Variants in IFT25 observed in about 807,000 individuals in gnomAD.
The protein encoded by IFT25 is intraflagellar transport protein 25 homolog.
At chr1:53,928,501 T>C in the IFT25 span, 1 of 1,285,012 alleles carries the variant, frequency 7.8e-7, no homozygotes, top group Non-Finnish European at 1.1e-6. Flanking sequence ...GTCCCTATAT[T>C]TCTTTTTCCC....
the IFT25 span, among the ~76,000 whole-genome samples, chr1:53,930,343 A>G: frequency 3.9e-5 from 6 of 152,162 alleles, no homozygotes; most frequent in Admixed American, 3.9e-4. Context: ...TAAAACACAG[A>G]AACGGAATTG....
At chr1:53,916,910 G>A in the IFT25 span, 2 of 382,480 alleles carry the variant, frequency 5.2e-6, no homozygotes, top group African/African-American at 2.1e-5. Flanking sequence ...GGGAGGCTGA[G>A]GTGGGCAGAT....
chr1:53,922,746 T>C, the IFT25 span, among the ~76,000 whole-genome samples: 1 of 152,118 alleles, frequency 6.6e-6, no homozygotes, highest in Non-Finnish European at 1.5e-5. Context: ...AACTGGCAAA[T>C]GTTATTTTAA....
At chr1:53,940,083 C>T in the IFT25 span, 1 of 1,564,832 alleles carries the variant, frequency 6.4e-7, no homozygotes, top group East Asian at 2.2e-5. Flanking sequence ...TTTTTCTCAT[C>T]TTAAAGTGTT....
At chr1:53,937,110 C>A in the IFT25 span, among the ~76,000 whole-genome samples, 2 of 152,100 alleles carry the variant, frequency 1.3e-5, no homozygotes, top group South Asian at 4.1e-4. Flanking sequence ...CAACTGTGAA[C>A]AGAAAATAAC....
chr1:53,924,828 C>T, the IFT25 span, among the ~76,000 whole-genome samples: 1 of 152,110 alleles, frequency 6.6e-6, no homozygotes, highest in East Asian at 1.9e-4. Context: ...CAGGGCAAGA[C>T]TCCATCTCAA....
the IFT25 span, chr1:53,923,886 T>C: frequency 1.4e-6 from 2 of 1,466,630 alleles, no homozygotes; most frequent in South Asian, 1.1e-5. Flanking sequence ...TTTAATTCTA[T>C]AAAGTATATT....
At chr1:53,930,015 AAAAT>A in the IFT25 span, 4 of 1,537,102 alleles carry the variant, frequency 2.6e-6, no homozygotes, top group Non-Finnish European at 2.6e-6. Context: ...AAAAAAAAAA[AAAAT>A]TAATGTAAGA....
the IFT25 span, among the ~76,000 whole-genome samples, chr1:53,922,759 T>C: frequency 6.6e-5 from 10 of 152,260 alleles, no homozygotes; most frequent in East Asian, 5.8e-4. Flanking sequence ...TATTTTAAAA[T>C]TGTACTTACG....
At chr1:53,919,463 T>C in the IFT25 span, among the ~76,000 whole-genome samples, 1 of 152,064 alleles carries the variant, frequency 6.6e-6, no homozygotes, top group African/African-American at 2.4e-5. Flanking sequence ...CCTGCAAACC[T>C]TAAAATATGT....
At chr1:53,923,677 AAATG>A in the IFT25 span, 1 of 394,766 alleles carries the variant, frequency 2.5e-6, no homozygotes, top group Non-Finnish European at 4.5e-6. Flanking sequence ...AACAAAAAAT[AAATG>A]AATTGTTTTA....
the IFT25 span, among the ~76,000 whole-genome samples, chr1:53,917,896 T>C: frequency 1.3e-5 from 2 of 152,176 alleles, no homozygotes; most frequent in Non-Finnish European, 1.5e-5. Flanking sequence ...GATCCACACA[T>C]GGCATGTGGT....
chr1:53,921,141 A>G, the IFT25 span, among the ~76,000 whole-genome samples: 2 of 152,034 alleles, frequency 1.3e-5, no homozygotes, highest in South Asian at 4.1e-4. Context: ...CCACTGCACT[A>G]TAGCCTGGGT....
the IFT25 span, among the ~76,000 whole-genome samples, chr1:53,933,690 C>T: frequency 1.3e-5 from 2 of 152,188 alleles, no homozygotes; most frequent in Admixed American, 6.5e-5. Flanking sequence ...TGATATTTAA[C>T]TGGAGTGTTT....
chr1:53,935,438 T>A, the IFT25 span, among the ~76,000 whole-genome samples: 1 of 151,912 alleles, frequency 6.6e-6, no homozygotes, highest in Non-Finnish European at 1.5e-5. Context: ...TGATAACAAG[T>A]GTGGGGTTTC....
chr1:53,935,238 A>G, the IFT25 span, among the ~76,000 whole-genome samples: 1 of 152,172 alleles, frequency 6.6e-6, no homozygotes, highest in African/African-American at 2.4e-5. Flanking sequence ...GCTTGAACCC[A>G]GGAGGCAGAG....
At chr1:53,919,335 T>C in the IFT25 span, among the ~76,000 whole-genome samples, 1 of 152,238 alleles carries the variant, frequency 6.6e-6, no homozygotes, top group Non-Finnish European at 1.5e-5. Flanking sequence ...TTTCCCTCTT[T>C]GCTACTTTTC....
At chr1:53,926,432 G>A in the IFT25 span, among the ~76,000 whole-genome samples, 7 of 152,184 alleles carry the variant, frequency 4.6e-5, no homozygotes, top group Admixed American at 1.3e-4. Flanking sequence ...GATTATGGGC[G>A]TGAGCCTAGC....
the IFT25 span, among the ~76,000 whole-genome samples, chr1:53,943,629 C>CT: frequency 1.0e-3 from 154 of 147,160 alleles, no homozygotes; most frequent in Admixed American, 2.1e-3. Flanking sequence ...AGGGAGAGAA[C>CT]TTTTTTTTTT....
Sources: gnomAD v4.1 joint callset for allele counts (sites outside exome capture counted in the v4.1 genomes callset) on GRCh38, gnomAD v4.1.1 for gene constraint, MANE v1.5 for transcripts, NCBI Gene and HGNC (gene_info 2026-07-23, HGNC 2026-07-21) for gene names.